KLHL29: variants seen among roughly 807,000 people sequenced by gnomAD.
KLHL29 encodes the protein kelch-like protein 29.
A neutral mutation model predicts 80.4 loss-of-function variants in KLHL29; 21 were observed. That is an observed-to-expected ratio of 0.26 (90% CI 0.19 to 0.38). KLHL29 has a LOEUF of 0.38. Ranked by LOEUF, KLHL29 falls within the 10% of genes least tolerant of loss-of-function variation. The pLI is 1.00. For synonymous variants in KLHL29, 511 were observed against 526.8 expected, an observed-to-expected ratio of 0.97 and a Z score of 0.41; for missense variants, 867 against 1,223.9, an observed-to-expected ratio of 0.71 and a Z score of 4.35.
intron 6 of KLHL29, among the ~76,000 whole-genome samples, chr2:23,687,604 A>T (rs1671325077): frequency 6.6e-6 from 1 of 152,220 alleles, no homozygotes; most frequent in African/African-American, 2.4e-5. Context: ...GGAGACGAGC[A>T]GAGACGATGC....
In KLHL29 at chr2:23,693,481, G is replaced by T; in HGVS notation, c.1495G>T (p.Glu499Ter). 6.4e-7 allele frequency: 1 copy of T among 1,551,662 alleles called. No homozygotes were observed. Among genetic ancestry groups the T allele is most frequent in the Non-Finnish European group, 8.7e-7 (1 of 1,146,942 alleles). The change falls in exon 8 of 14, where the codon GAG becomes TAG. Residue 499 changes from glutamate (E) to a stop codon, truncating the protein, a stop_gained. Transcript: ENST00000486442. LOFTEE classifies it high-confidence loss of function. ...CACCAAGGCTGAGGAGCTGGTGTAC[G>T]AGACAGTCATCAAGTGGATCAAGAA... Reference protein sequence around the residue: ...LNTKAEELVYETVIKWIKKDP... With the variant: ...LNTKAEELVY
chr2:23,419,656 A>G (rs938320982), intron 1 of KLHL29, among the ~76,000 whole-genome samples: 2 of 152,178 alleles, frequency 1.3e-5, no homozygotes, highest in African/African-American at 4.8e-5. Flanking sequence ...GTCGAGCGGA[A>G]TGAGTCCTCA....
rs138010863 is a variant in KLHL29, at chr2:23,551,944, C to G, written c.-45-10208C>G. ...ACTATGCCCAGCCCTGGGCTTCACC[C>G]TCTTGCTTTTCCTGGGTTATAAAAT... On this transcript the variant is annotated intron_variant, in intron 2 of 13. Coordinates refer to ENST00000486442, the MANE Select transcript of KLHL29 (RefSeq NM_052920.2). Among the ~76,000 whole-genome samples, 206 of 152,386 alleles carry G rather than the reference C, an allele frequency of 1.4e-3. 2 individuals are homozygous for G. The highest frequency in any genetic ancestry group is 4.8e-3 in the African/African-American group (201 of 41,594).
rs1479693974 is a variant in KLHL29 at position 23,539,431 on chromosome 2, CCTTTTTTTT to C, written c.-45-22720_-45-22712del. Among the ~76,000 whole-genome samples the C allele has an allele frequency of 3.2e-3, 344 of 107,212 alleles. 11 individuals carry two copies. The highest frequency in any genetic ancestry group is 0.012 in the African/African-American group (325 of 28,142). 70.3% of individuals were successfully genotyped at this position (107,212 alleles called of 152,430 possible). A position where few individuals can be genotyped will look rare whatever the true frequency, so the allele number is the denominator to read the frequency against. On this transcript the variant is annotated intron_variant, in intron 2 of 13. Coordinates refer to ENST00000486442, the MANE Select transcript of KLHL29 (RefSeq NM_052920.2). ...ATGCTTTGCTAGCCTTATCCTGCCT[CCTTTTTTTT>C]TTTTTTTTTTTTTTTTTTGGAGACA... is the stretch of plus-strand genomic sequence containing the variant.
At chr2:23,518,628 G>C (rs1044041198) in intron 2 of KLHL29, among the ~76,000 whole-genome samples, 1 of 152,162 alleles carries the variant, frequency 6.6e-6, no homozygotes, top group Non-Finnish European at 1.5e-5. Flanking sequence ...AGCACTCCCT[G>C]GCCAGTACCC....
intron 2 of KLHL29, among the ~76,000 whole-genome samples, chr2:23,555,990 G>A (rs576938582): frequency 6.6e-6 from 1 of 152,354 alleles, no homozygotes; most frequent in South Asian, 2.1e-4. Context: ...CTGAAGGGGG[G>A]ACTGGATTGC....
At chr2:23,389,648 T>A (rs1040713294) in intron 1 of KLHL29, among the ~76,000 whole-genome samples, 5 of 150,482 alleles carry the variant, frequency 3.3e-5, no homozygotes, top group Non-Finnish European at 7.4e-5. Context: ...TGAACAGTGA[T>A]CACGCCACTG....
chr2:23,560,327 A>G (rs950421637), intron 2 of KLHL29, among the ~76,000 whole-genome samples: 6 of 133,588 alleles, frequency 4.5e-5, no homozygotes, highest in African/African-American at 1.2e-4. Flanking sequence ...CTGGAGTGCA[A>G]TATCGCGATC....
At chr2:23,694,055 G>A (rs1671789773) in intron 8 of KLHL29, among the ~76,000 whole-genome samples, 1 of 152,186 alleles carries the variant, frequency 6.6e-6, no homozygotes, top group African/African-American at 2.4e-5. Flanking sequence ...GAAGTTAGAT[G>A]GGGCAGCTAA....
rs115827758 is a variant in KLHL29 at position 23,602,157 on chromosome 2, T to C, written c.286-36982T>C. On this transcript the variant is annotated intron_variant, in intron 3 of 13. Coordinates refer to ENST00000486442, the MANE Select transcript of KLHL29 (RefSeq NM_052920.2). The stretch of plus-strand genomic sequence containing the variant: ...ATCCACTGCTCATTTTCCCCAGAAT[T>C]TGGAGACAGCCAGAGTGTAGGGCCT... Among the ~76,000 whole-genome samples, 829 of 152,300 alleles carry C rather than the reference T, an allele frequency of 5.4e-3. 6 individuals carry two copies. The highest frequency in any genetic ancestry group is 0.019 in the African/African-American group (794 of 41,568).
intron 2 of KLHL29, among the ~76,000 whole-genome samples, chr2:23,539,090 C>T (rs1324302464): frequency 6.6e-6 from 1 of 152,172 alleles, no homozygotes; most frequent in Non-Finnish European, 1.5e-5. Flanking sequence ...AGAGGTGAAG[C>T]AACTGCCAAA....
chr2:23,613,044 T>G (rs1426798899), intron 3 of KLHL29, among the ~76,000 whole-genome samples: 3 of 152,034 alleles, frequency 2.0e-5, no homozygotes, highest in Non-Finnish European at 4.4e-5. Flanking sequence ...AGGAAGAGAG[T>G]ATAAGTATCA....
At chr2:23,435,026 ATG>A (rs921058677) in intron 1 of KLHL29, among the ~76,000 whole-genome samples, 11 of 152,344 alleles carry the variant, frequency 7.2e-5, no homozygotes, top group African/African-American at 1.9e-4. Context: ...CACAGAGCTG[ATG>A]AAACGCCATT....
At chr2:23,553,271 A>G (rs1388637211) in intron 2 of KLHL29, among the ~76,000 whole-genome samples, 1 of 152,242 alleles carries the variant, frequency 6.6e-6, no homozygotes, top group East Asian at 1.9e-4. Flanking sequence ...GTGGCTGGTG[A>G]GGACTGGGGG....
chr2:23,453,635 G>A (rs538938340), intron 1 of KLHL29, among the ~76,000 whole-genome samples: 35 of 152,136 alleles, frequency 2.3e-4, no homozygotes, highest in Non-Finnish European at 4.0e-4. Context: ...AGAAATGGAC[G>A]GCAGCGGCCC....
At chr2:23,427,608 C>T (rs1261510315) in intron 1 of KLHL29, among the ~76,000 whole-genome samples, 2 of 152,116 alleles carry the variant, frequency 1.3e-5, no homozygotes, top group East Asian at 3.8e-4. Context: ...CGGACAGTCA[C>T]GTTAAAATGG....
At chr2:23,651,467 G>A (rs1008534470) in intron 5 of KLHL29, among the ~76,000 whole-genome samples, 4 of 152,084 alleles carry the variant, frequency 2.6e-5, no homozygotes, top group Non-Finnish European at 4.4e-5. Flanking sequence ...GTGTGTATTC[G>A]TTTTTCACCA....
intron 3 of KLHL29, among the ~76,000 whole-genome samples, chr2:23,590,512 T>C (rs534718324): frequency 1.0e-3 from 154 of 152,270 alleles, no homozygotes; most frequent in African/African-American, 3.6e-3. Context: ...CTGGGAGCCT[T>C]TGAAGCAAGG....
Position 23,695,569 on chromosome 2 carries a change from G to A in KLHL29, c.1543-54G>A, listed in dbSNP as rs2149212046. Reference sequence around the variant, plus strand: ...GCCCCACACCATTTCTTTCCGTCCGGGAGGTGGCTCTCTCTTGCTAGTCTA... The same window carrying A: ...GCCCCACACCATTTCTTTCCGTCCGAGAGGTGGCTCTCTCTTGCTAGTCTA... On this transcript the variant is annotated intron_variant, in intron 8 of 13. Coordinates refer to ENST00000486442, the MANE Select transcript of KLHL29 (RefSeq NM_052920.2). The surrounding 1 kb of genome is among the most constrained non-coding windows in gnomAD (Gnocchi z 7.6). The A allele has an allele frequency of 7.9e-7, 1 of 1,261,256 alleles. No homozygotes were observed. Among genetic ancestry groups the A allele is most frequent in the South Asian group, 1.4e-5 (1 of 69,556 alleles). 78.1% of individuals were successfully genotyped at this position (1,261,256 alleles called of 1,614,324 possible).
Sources: allele counts gnomAD v4.1 joint callset (sites outside exome capture counted in the v4.1 genomes callset), GRCh38; gene constraint gnomAD v4.1.1; non-coding constraint Gnocchi (gnomAD v3.1); transcripts MANE v1.5; gene names NCBI Gene and HGNC (gene_info 2026-07-23, HGNC 2026-07-21).